Variants in VWF observed in about 807,000 individuals in gnomAD.
VWF encodes Factor VIII related antigen.
Under a neutral mutation model 308.6 loss-of-function variants are expected in VWF, and 176 were observed. The observed-to-expected ratio is 0.57, with a 90% CI of 0.50 to 0.65. The LOEUF (loss-of-function observed/expected upper bound fraction) is 0.65. Among genes scored for constraint, VWF ranks in the 30% least tolerant of loss-of-function variants. The pLI is 0.00. For synonymous variants in VWF, 1,385 were observed against 1,443.4 expected (o/e 0.96, Z 0.92); for missense variants, 3,146 against 3,648.2 (o/e 0.86, Z 3.55).
intron 35 of VWF, among the ~76,000 whole-genome samples, chr12:5,995,500 T>A (rs554023030): frequency 6.6e-6 from 1 of 152,214 alleles, no homozygotes; most frequent in Admixed American, 6.5e-5. Flanking sequence ...AGTAAAGAAG[T>A]TGGCATAGTG....
At chr12:5,995,423 G>A (rs888152627) in intron 35 of VWF, among the ~76,000 whole-genome samples, 7 of 152,054 alleles carry the variant, frequency 4.6e-5, no homozygotes, top group Non-Finnish European at 7.4e-5. Context: ...GAATTCTTGC[G>A]AAGTGAGAAA....
At chr12:6,012,704 T>TA (rs1491473058) in intron 32 of VWF, among the ~76,000 whole-genome samples, 4,487 of 35,274 alleles carry the variant, frequency 0.13, 81 homozygotes, top group Middle Eastern at 0.22. Context: ...TGTGTGTGTA[T>TA]TTTTTTTTTT....
Position 5,995,328 on chromosome 12 carries a change from A to G in VWF, c.6063+674T>C, listed in dbSNP as rs554837760. On this transcript the variant is annotated intron_variant, in intron 35 of 51. Coordinates refer to ENST00000261405, the MANE Select transcript of VWF (RefSeq NM_000552.5). ...TGTAAAATTTTTGGAAGGATTTTTT[A>G]TCATTTTGATTTTTTAATTTTTGGC... 5.1e-3 allele frequency among the ~76,000 whole-genome samples: 770 copies of G among 152,276 alleles called. 7 individuals carry two copies. Among genetic ancestry groups the G allele is most frequent in the Non-Finnish European group, 7.6e-3 (520 of 68,018 alleles).
chr12:6,043,991 G>C (rs1247933547), intron 18 of VWF, among the ~76,000 whole-genome samples: 1 of 152,162 alleles, frequency 6.6e-6, no homozygotes, highest in Non-Finnish European at 1.5e-5. Flanking sequence ...GTTTTTACTA[G>C]TACGTATTTT....
chr12:6,106,049 A>G (rs1426227651), intron 5 of VWF, among the ~76,000 whole-genome samples: 1 of 152,186 alleles, frequency 6.6e-6, no homozygotes, highest in Non-Finnish European at 1.5e-5. Flanking sequence ...CTCAAAAAAA[A>G]TAAAGAAGAA....
intron 18 of VWF, among the ~76,000 whole-genome samples, chr12:6,039,565 A>G (rs1254460331): frequency 6.6e-6 from 1 of 152,190 alleles, no homozygotes; most frequent in Non-Finnish European, 1.5e-5. Context: ...TCCTCCTATG[A>G]AGACTTATGA....
chr12:5,963,939 G>T (rs1410722739), intron 47 of VWF, among the ~76,000 whole-genome samples: 1 of 152,226 alleles, frequency 6.6e-6, no homozygotes, highest in African/African-American at 2.4e-5. Context: ...CAGGCGCAGT[G>T]GCTCACGCCT....
At position 6,063,008 on chromosome 12, in the gene VWF, G is replaced by A. The variant is rs867502699; in HGVS notation, c.1479C>T (p.Ser493=). ...QHTVTASVRL[S]YGEDLQMDWD... ...AGTCCATCTGCAGGTCCTCCCCGTA[G>A]CTGAGGCGCACGGAGGCCGTCACTG... The change falls in exon 13 of 52, where the codon AGC becomes AGT. Residue 493 remains serine, a synonymous_variant. Transcript: ENST00000261405. This position sits in a 1 kb window ranked among gnomAD's most constrained non-coding sequence, Gnocchi z 4.9. 1 of 1,613,646 alleles carries A rather than the reference G, an allele frequency of 6.2e-7. No individual in the cohort carries two copies. Among genetic ancestry groups the A allele is most frequent in the Middle Eastern group, 1.6e-4 (1 of 6,062 alleles).
chr12:6,086,010 CACT>C (rs948520898), intron 6 of VWF, among the ~76,000 whole-genome samples: 1 of 152,172 alleles, frequency 6.6e-6, no homozygotes, highest in African/African-American at 2.4e-5. Flanking sequence ...CCAAGGTCAC[CACT>C]GTTTCACCAC....
chr12:6,038,578 C>A (rs1044980653), intron 18 of VWF, among the ~76,000 whole-genome samples: 1 of 151,974 alleles, frequency 6.6e-6, no homozygotes, highest in African/African-American at 2.4e-5. Flanking sequence ...CCTCCTCCAG[C>A]GGACAGAACA....
rs767830629 is a variant in VWF, at chr12:5,985,671, G to A, written c.6799-6C>T. 1 of 1,613,480 alleles carries A rather than the reference G, an allele frequency of 6.2e-7. No homozygotes were observed. Among genetic ancestry groups the A allele is most frequent in the African/African-American group, 1.3e-5 (1 of 75,064 alleles). On this transcript the variant is annotated splice_region_variant and splice_polypyrimidine_tract_variant and intron_variant, in intron 38 of 51. Transcript: ENST00000261405. The stretch of plus-strand genomic sequence containing the variant: ...GGGACCCAGGCTTCCAGGAACTGAG[G>A]GCAAAGCGAGGTTCAGAAAGGGCAC...
chr12:6,071,354 G>C lies in VWF; in HGVS notation c.1110-11C>G. 6.2e-7 allele frequency: 1 copy of C among 1,614,080 alleles called. No individual in the cohort carries two copies. Among genetic ancestry groups the C allele is most frequent in the Non-Finnish European group, 8.5e-7 (1 of 1,180,004 alleles). Reference sequence around the variant, plus strand: ...CTGTTTCGGCAAATGCTGTTGGAGGGAAAAAGCACAGGTCATTGGTGGTTC... The same window carrying C: ...CTGTTTCGGCAAATGCTGTTGGAGGCAAAAAGCACAGGTCATTGGTGGTTC... On this transcript the variant is annotated splice_polypyrimidine_tract_variant and intron_variant, in intron 9 of 51. Transcript: ENST00000261405.
rs759439017 is a variant in VWF at position 5,985,118 on chromosome 12, A to C, written c.6903T>G (p.Ala2301=). 2 of 1,614,062 alleles carry C rather than the reference A, an allele frequency of 1.2e-6. No individual in the cohort carries two copies. The highest frequency in any genetic ancestry group is 1.7e-6 in the Non-Finnish European group (2 of 1,180,022). ...CTTQPCPTAK[A]PTCGLCEVAR... is the part of the protein sequence containing the mutation. ...CTACTTCACACAGGCCACACGTGGGAGCTAGAGGAGAGGAACGGCCACAAA... is the reference window on the plus strand; with the variant it reads ...CTACTTCACACAGGCCACACGTGGGCGCTAGAGGAGAGGAACGGCCACAAA... Residue 2301 remains alanine (A), a splice_region_variant and synonymous_variant, in exon 40 of 52, where the codon GCT becomes GCG. Transcript: ENST00000261405.
intron 50 of VWF, 110 bp downstream of exon 50, chr12:5,951,734 C>G (rs1172457577): frequency 1.6e-6 from 2 of 1,230,816 alleles, no homozygotes; most frequent in African/African-American, 3.0e-5. Flanking sequence ...AAAGCTTACT[C>G]CAAAGAACAG....
chr12:6,107,332 G>A (rs1945254944), intron 5 of VWF, among the ~76,000 whole-genome samples: 1 of 152,204 alleles, frequency 6.6e-6, no homozygotes, highest in African/African-American at 2.4e-5. Context: ...TAGTTTGATT[G>A]TGGTGGTTAC....
At chr12:5,962,538 CTTT>C (rs35124526) in intron 47 of VWF, among the ~76,000 whole-genome samples, 2 of 101,590 alleles carry the variant, frequency 2.0e-5, no homozygotes, top group South Asian at 3.7e-4. Flanking sequence ...ACAGGCAATT[CTTT>C]TTTTTTTTTT....
At position 6,025,640 on chromosome 12, in the gene VWF, C is replaced by T. The variant is rs754421736; in HGVS notation, c.3162G>A (p.Thr1054=). 12 of 1,578,492 alleles carry T rather than the reference C, an allele frequency of 7.6e-6. No homozygotes were observed. The African/African-American group carries it at 8.1e-5, about 11-fold the overall frequency. The change falls in exon 24 of 52, where the codon ACG becomes ACA. Residue 1054 remains threonine (T), a synonymous_variant. Coordinates refer to ENST00000261405, the MANE Select transcript of VWF (RefSeq NM_000552.5). The part of the protein sequence containing the change: ...ATCHNNIMKQ[T]MVDSSCRILT... ...GGATTCTACAGGAGGAATCCACCAT[C>T]GTCTGCTTCATGATGTTGTTATGGC...
In VWF at chr12:6,063,180, G is replaced by A. The variant is rs574158768; in HGVS notation, c.1433-126C>T. The A allele has an allele frequency of 2.6e-4, 213 of 809,402 alleles. No homozygotes were observed. The African/African-American group carries it at 3.2e-3, about 12-fold the overall frequency. 50.1% of individuals were successfully genotyped at this position (809,402 alleles called of 1,614,324 possible). On this transcript the variant is annotated intron_variant, in intron 12 of 51. Transcript: ENST00000261405. This position sits in a 1 kb window ranked among gnomAD's most constrained non-coding sequence, Gnocchi z 4.9. Reference sequence around the variant, plus strand: ...TAGCACTGAAGAGCAATGACTTAGGGGCAGATGGGGTGGCCATGAGGTTTA... The same window carrying A: ...TAGCACTGAAGAGCAATGACTTAGGAGCAGATGGGGTGGCCATGAGGTTTA...
intron 6 of VWF, among the ~76,000 whole-genome samples, chr12:6,084,393 C>T (rs1944947116): frequency 6.6e-6 from 1 of 152,206 alleles, no homozygotes; most frequent in Non-Finnish European, 1.5e-5. Flanking sequence ...TGCGGGAGAG[C>T]AGCTGCCCCA....
Sources: gnomAD v4.1 joint callset for allele counts (sites outside exome capture counted in the v4.1 genomes callset) on GRCh38, gnomAD v4.1.1 for gene constraint, Gnocchi (gnomAD v3.1) non-coding constraint, MANE v1.5 for transcripts, NCBI Gene and HGNC (gene_info 2026-07-23, HGNC 2026-07-21) for gene names.